Variants in ARHGAP8 observed in about 807,000 individuals in gnomAD.
ARHGAP8 encodes the protein Rho GTPase activating protein 8, also known as rho GTPase-activating protein 8.
In ARHGAP8, 62 loss-of-function variants were observed where a neutral mutation model predicts 46.1. The observed-to-expected ratio is 1.34, with a 90% CI of 1.10 to 1.66. The LOEUF is 1.66. ARHGAP8 is among the 40% of genes most tolerant of loss of function. The probability of loss-of-function intolerance (pLI) is 0.00; values close to 1 mark genes in which losing one functional copy is unlikely to be tolerated. For synonymous variants in ARHGAP8, 375 were observed against 243.1 expected (o/e 1.54, Z -5.05); for missense variants, 923 against 568.4 (o/e 1.62, Z -6.34).
chr22:44,858,286 T>G (rs760268031), intron 10 of ARHGAP8, among the ~76,000 whole-genome samples: 22 of 151,854 alleles, frequency 1.4e-4, no homozygotes, highest in Non-Finnish European at 2.5e-4. Context: ...TAGGCATGCA[T>G]GTGGCTGAGT....
intron 4 of ARHGAP8, among the ~76,000 whole-genome samples, chr22:44,810,270 C>T (rs955810640): frequency 6.5e-5 from 8 of 122,720 alleles, no homozygotes; most frequent in African/African-American, 3.2e-5. Flanking sequence ...GAGACAGAGT[C>T]TCATTCTATT....
At chr22:44,860,606 GTCTA>G (rs2070428819) in intron 11 of ARHGAP8, among the ~76,000 whole-genome samples, 4 of 149,102 alleles carry the variant, frequency 2.7e-5, no homozygotes, top group South Asian at 4.4e-4. Context: ...ATTCTCTGTG[GTCTA>G]TCTTAGAGGG....
Position 44,847,998 on chromosome 22 carries a change from G to A in ARHGAP8, c.696G>A (p.Arg232=). The stretch of plus-strand genomic sequence containing the variant: ...GCCTGCGCACCGAGGGCCTGTTCCG[G>A]AGATCCGCCAGCGTGCAGACCGTCC... The part of the protein sequence containing the change: ...EKGLRTEGLF[R]RSASVQTVRE... Residue 232 remains arginine, a synonymous_variant, in exon 9 of 12, where the codon CGG becomes CGA. Transcript: ENST00000356099. 6.2e-7 allele frequency: 1 copy of A among 1,608,216 alleles called. No individual in the cohort carries two copies. Among genetic ancestry groups the A allele is most frequent in the South Asian group, 1.1e-5 (1 of 91,084 alleles).
At chr22:44,860,378 C>T (rs995048869) in intron 11 of ARHGAP8, among the ~76,000 whole-genome samples, 2 of 152,128 alleles carry the variant, frequency 1.3e-5, no homozygotes, top group Non-Finnish European at 2.9e-5. Context: ...CCCTTCCTGG[C>T]CTCTCCCAGC....
At chr22:44,792,894 G>C (rs1927810567) in intron 2 of ARHGAP8, among the ~76,000 whole-genome samples, 1 of 151,768 alleles carries the variant, frequency 6.6e-6, no homozygotes, top group Admixed American at 6.6e-5. Flanking sequence ...CGCAATCTCG[G>C]CTCACTGCAA....
intron 1 of ARHGAP8, among the ~76,000 whole-genome samples, chr22:44,769,279 A>G (rs1925827711): frequency 6.6e-6 from 1 of 152,136 alleles, no homozygotes; most frequent in Admixed American, 6.5e-5. Flanking sequence ...AGCTGAACAT[A>G]TATGTGGTCT....
intron 1 of ARHGAP8, among the ~76,000 whole-genome samples, chr22:44,771,403 C>T (rs1281260974): frequency 2.0e-5 from 3 of 151,774 alleles, no homozygotes; most frequent in Non-Finnish European, 2.9e-5. Context: ...CCCGCCACCA[C>T]GCCCAGCTAA....
At chr22:44,829,875 G>A (rs1194672514) in intron 7 of ARHGAP8, among the ~76,000 whole-genome samples, 1 of 152,138 alleles carries the variant, frequency 6.6e-6, no homozygotes, top group East Asian at 1.9e-4. Context: ...AGAGGTCTTT[G>A]CTTGCCATCC....
At position 44,814,625 on chromosome 22, in the gene ARHGAP8, T is replaced by A. The variant is rs145182856; in HGVS notation, c.300-47T>A. 698 of 1,577,168 alleles carry A rather than the reference T, an allele frequency of 4.4e-4. 2 individuals are homozygous for A. The East Asian group carries it at 0.014, about 31-fold the overall frequency. The stretch of plus-strand genomic sequence containing the variant: ...TTCAGGGTTATTGGGCGTGGGGTGT[T>A]TCTCGGAGCGCGGCAGCCTGAAGTC... On this transcript the variant is annotated intron_variant, in intron 4 of 11. Coordinates refer to ENST00000356099, the MANE Select transcript of ARHGAP8 (RefSeq NM_181335.3).
chr22:44,860,996 TCTC>T (rs3842716), intron 11 of ARHGAP8, among the ~76,000 whole-genome samples: 59,156 of 151,576 alleles, frequency 0.39, 11,793 homozygotes, highest in East Asian at 0.56. Flanking sequence ...AAAACTAAAC[TCTC>T]CTAATTCTCT....
intron 2 of ARHGAP8, among the ~76,000 whole-genome samples, chr22:44,797,071 C>T (rs1053497942): frequency 6.6e-6 from 1 of 152,140 alleles, no homozygotes; most frequent in African/African-American, 2.4e-5. Context: ...TGGCAGGGGC[C>T]GTGTCTCATC....
intron 10 of ARHGAP8, among the ~76,000 whole-genome samples, chr22:44,857,749 C>G (rs73422293): frequency 0.16 from 24,875 of 152,186 alleles, 2,245 homozygotes; most frequent in African/African-American, 0.23. Context: ...GAGGCCCAGC[C>G]TCCCACATGC....
At chr22:44,794,420 C>T (rs1927929814) in intron 2 of ARHGAP8, among the ~76,000 whole-genome samples, 1 of 152,062 alleles carries the variant, frequency 6.6e-6, no homozygotes, top group Admixed American at 6.6e-5. Flanking sequence ...CTCTTTTAAA[C>T]TTTTTATTGG....
In ARHGAP8 at chr22:44,826,205, G is replaced by A. The variant is rs866497876; in HGVS notation, c.596+612G>A. Among the ~76,000 whole-genome samples the A allele has an allele frequency of 1.4e-4, 21 of 152,138 alleles. 1 individual carries two copies. Among genetic ancestry groups the A allele is most frequent in the African/African-American group, 3.6e-4 (15 of 41,484 alleles). On this transcript the variant is annotated intron_variant, in intron 7 of 11. Transcript: ENST00000356099. ...GGCCTGGGTCCGGTAGAGACGGCACGTGGTCACTCTGCATCCCTGATCCCC... is the reference window on the plus strand; with the variant it reads ...GGCCTGGGTCCGGTAGAGACGGCACATGGTCACTCTGCATCCCTGATCCCC...
chr22:44,777,550 C>T (rs1926513334), intron 1 of ARHGAP8, among the ~76,000 whole-genome samples: 1 of 152,040 alleles, frequency 6.6e-6, no homozygotes, highest in Non-Finnish European at 1.5e-5. Flanking sequence ...CCTGAAGTCT[C>T]CTCCCTACTG....
intron 7 of ARHGAP8, among the ~76,000 whole-genome samples, chr22:44,832,153 A>G (rs893637661): frequency 3.3e-5 from 4 of 122,424 alleles, no homozygotes; most frequent in African/African-American, 1.2e-4. Context: ...TATGGTTTTC[A>G]CTGTACCAGT....
At chr22:44,825,797 G>C (rs560197135) in intron 7 of ARHGAP8, among the ~76,000 whole-genome samples, 115 of 146,582 alleles carry the variant, frequency 7.8e-4, no homozygotes, top group Non-Finnish European at 1.8e-4. Flanking sequence ...TCGCTGCTCG[G>C]TGCCTGGTTG....
intron 5 of ARHGAP8, among the ~76,000 whole-genome samples, chr22:44,816,133 C>G (rs751671187): frequency 6.8e-6 from 1 of 147,850 alleles, no homozygotes; most frequent in African/African-American, 2.5e-5. Flanking sequence ...GCCATCTCCC[C>G]CCTCGGCTCC....
chr22:44,852,872 G>A (rs1005288499), intron 10 of ARHGAP8, among the ~76,000 whole-genome samples: 7 of 152,068 alleles, frequency 4.6e-5, no homozygotes, highest in Admixed American at 3.3e-4. Flanking sequence ...GCACGATCTC[G>A]GCTCAGTGCA....
Sources: gnomAD v4.1 joint callset for allele counts (sites outside exome capture counted in the v4.1 genomes callset) on GRCh38, gnomAD v4.1.1 for gene constraint, MANE v1.5 for transcripts, NCBI Gene and HGNC (gene_info 2026-07-23, HGNC 2026-07-21) for gene names.